The following SCAF11 variants were observed in gnomAD, a reference collection of about 807,000 sequenced individuals.
SCAF11 encodes the protein SR-related CTD associated factor 11.
Under a neutral mutation model 140.5 loss-of-function variants are expected in SCAF11, and 47 were observed. The observed-to-expected ratio is 0.33, with a 90% CI of 0.26 to 0.43. The LOEUF is 0.43. Ranked by LOEUF, SCAF11 falls within the 20% of genes least tolerant of loss-of-function variation. The pLI, the probability that SCAF11 is intolerant of heterozygous loss-of-function variation, is 1.00. For missense variants in SCAF11, 1,645 were observed against 1,705.1 expected, an observed-to-expected ratio of 0.96 and a Z score of 0.62; for synonymous variants, 557 against 579.4, an observed-to-expected ratio of 0.96 and a Z score of 0.55.
In SCAF11 at chr12:45,928,117, C is replaced by G. The variant is rs1944940957; in HGVS notation, c.1584G>C (p.Gln528His). The stretch of plus-strand genomic sequence containing the variant: ...CCTCTGATTGTGAAAGTCCAGATAT[C>G]TGGTCTTGCTTTTCCAATGGATCAC... ...KGGDPLEKQD[Q>H]ISGLSQSEVK... Residue 528 changes from glutamine (Q) to histidine (H), a missense_variant, in exon 11 of 15, where the codon CAG (glutamine) becomes CAC (histidine). Physicochemically the swap from Gln to His is conservative, Grantham distance 24. Coordinates refer to ENST00000369367, the MANE Select transcript of SCAF11 (RefSeq NM_004719.3). The G allele has an allele frequency of 6.2e-7, 1 of 1,613,928 alleles. No individual in the cohort carries two copies. Among genetic ancestry groups the G allele is most frequent in the Admixed American group, 1.7e-5 (1 of 60,010 alleles).
chr12:45,928,820 T>A lies in SCAF11; in HGVS notation c.881A>T (p.Glu294Val), dbSNP rs748742283. The A allele has an allele frequency of 1.2e-6, 2 of 1,612,470 alleles. No individual in the cohort carries two copies. Among genetic ancestry groups the A allele is most frequent in the East Asian group, 4.5e-5 (2 of 44,864 alleles). Residue 294 changes from glutamate to valine, a missense_variant, in exon 11 of 15, where the codon GAA (glutamate) becomes GTA (valine). This residue lies in a region of SCAF11 where 1,582 missense variants were observed against 1,609.2 expected (regional missense o/e 0.98). Transcript: ENST00000369367. ...AGAAGTTTGCTTCTTTTCTTCCCCT[T>A]CTTGAGTATGTGCTAATGCATATCC... is the stretch of plus-strand genomic sequence containing the variant. ...CKGYALAHTQEGEEKKQTSGT... is the reference protein window; with the variant it reads ...CKGYALAHTQVGEEKKQTSGT...
At position 45,924,677 on chromosome 12, in the gene SCAF11, T is replaced by A. The variant is rs966929586; in HGVS notation, c.3906+51A>T. 6.9e-6 allele frequency: 10 copies of A among 1,442,216 alleles called. No homozygotes were observed. In the African/African-American group the frequency reaches 1.1e-4, roughly 16 times the overall value. 89.3% of individuals were successfully genotyped at this position (1,442,216 alleles called of 1,614,324 possible). A position where few individuals can be genotyped will look rare whatever the true frequency, so the allele number is the denominator to read the frequency against. On this transcript the variant is annotated intron_variant, in intron 12 of 14. Coordinates refer to ENST00000369367, the MANE Select transcript of SCAF11 (RefSeq NM_004719.3). Reference sequence around the variant, plus strand: ...TTTTTGAACATCTGTCATGAACAGCTAAATGTTTACAATGGCTATATTGAT... The same window carrying A: ...TTTTTGAACATCTGTCATGAACAGCAAAATGTTTACAATGGCTATATTGAT...
At chr12:45,935,010 T>G (rs1241502960) in intron 6 of SCAF11, 1 of 152,436 alleles carries the variant, frequency 6.6e-6, no homozygotes, top group East Asian at 1.9e-4. Context: ...AGGTATGTTC[T>G]TTCCTTCCAA....
In SCAF11 at chr12:45,983,147, T is replaced by C. The variant is rs116272846; in HGVS notation, c.-22+7206A>G. On this transcript the variant is annotated intron_variant, in intron 1 of 14. Transcript: ENST00000369367. ...TTTCCTTAGGTGGACTTCAAGTCTA[T>C]CTCTCTCCCATTTATTTGTTTTGAA... Among the ~76,000 whole-genome samples the C allele has an allele frequency of 7.2e-3, 1,095 of 152,316 alleles. 10 individuals are homozygous for C. The highest frequency in any genetic ancestry group is 0.025 in the African/African-American group (1,036 of 41,572).
chr12:45,966,121 A>G (rs1945940393), intron 1 of SCAF11, among the ~76,000 whole-genome samples: 1 of 152,240 alleles, frequency 6.6e-6, no homozygotes, highest in African/African-American at 2.4e-5. Flanking sequence ...GACAAACAAC[A>G]TAATGATGAA....
chr12:45,934,689 TTAC>T (rs1326253928), intron 6 of SCAF11, among the ~76,000 whole-genome samples, 184 bp from the exon 7 acceptor site: 2 of 152,222 alleles, frequency 1.3e-5, no homozygotes, highest in African/African-American at 4.8e-5. Flanking sequence ...TGTTAAGCTA[TTAC>T]TACAAGTAAA....
At chr12:45,986,978 T>C (rs1946472743) in intron 1 of SCAF11, among the ~76,000 whole-genome samples, 1 of 152,212 alleles carries the variant, frequency 6.6e-6, no homozygotes, top group African/African-American at 2.4e-5. Flanking sequence ...AATGCACTGC[T>C]CTACTCTTAG....
At chr12:45,953,616 T>G (rs1394202888) in intron 3 of SCAF11, among the ~76,000 whole-genome samples, 1 of 152,168 alleles carries the variant, frequency 6.6e-6, no homozygotes, top group Non-Finnish European at 1.5e-5. Context: ...CTTCAAAATG[T>G]TTTTTATTCC....
At position 45,931,595 on chromosome 12, in the gene SCAF11, C is replaced by T; in HGVS notation, c.752G>A (p.Trp251Ter). Residue 251 changes from tryptophan to a stop codon, truncating the protein, a stop_gained, in exon 10 of 15, where the codon TGG becomes TAG. Coordinates refer to ENST00000369367, the MANE Select transcript of SCAF11 (RefSeq NM_004719.3). LOFTEE classifies it high-confidence loss of function. Reference protein sequence around the residue: ...PGIGRIGFIPWNVETEVLPLI... With the variant: ...PGIGRIGFIP ...AGGAAGGACTTCTGTTTCAACATTC[C>T]AGGGTATAAAACCAATTCTGAAAAC... 1 of 1,528,374 alleles carries T rather than the reference C, an allele frequency of 6.5e-7. No individual in the cohort carries two copies. 94.7% of individuals were successfully genotyped at this position (1,528,374 alleles called of 1,614,324 possible).
chr12:45,930,978 G>A (rs541306211), intron 10 of SCAF11: 35 of 152,170 alleles, frequency 2.3e-4, no homozygotes, highest in Admixed American at 2.3e-3. Context: ...TGTTGTTCAA[G>A]GGTCAACTGT....
Position 45,933,115 on chromosome 12 carries a change from A to C in SCAF11, c.734+16T>G, listed in dbSNP as rs764950229. On this transcript the variant is annotated intron_variant, in intron 9 of 14. Coordinates refer to ENST00000369367, the MANE Select transcript of SCAF11 (RefSeq NM_004719.3). Reference sequence around the variant, plus strand: ...TTAGCATGTAAACACCTGAGTAAATAATTTTTTATTTTTACCTTCCAATTC... The same window carrying C: ...TTAGCATGTAAACACCTGAGTAAATCATTTTTTATTTTTACCTTCCAATTC... 1.9e-6 allele frequency: 3 copies of C among 1,562,960 alleles called. No individual in the cohort carries two copies. Among genetic ancestry groups the C allele is most frequent in the African/African-American group, 2.7e-5 (2 of 73,944 alleles).
At position 45,920,885 on chromosome 12, in the gene SCAF11, C is replaced by T. The variant is rs1201174232; in HGVS notation, c.*1163G>A. The T allele has an allele frequency of 1.3e-5, 2 of 152,224 alleles. No homozygotes were observed. The highest frequency in any genetic ancestry group is 2.4e-5 in the African/African-American group (1 of 41,454). The allele number at this position is 152,224 out of a possible 1,614,324, so 9.4% of individuals were successfully genotyped here. On this transcript the variant is annotated 3_prime_UTR_variant, in exon 15 of 15. Transcript: ENST00000369367. Reference sequence around the variant, plus strand: ...AGCCCCAAGGAAGGGAGGATAACAGCCTAACAGCAATTCTCGAATTGGCAC... The same window carrying T: ...AGCCCCAAGGAAGGGAGGATAACAGTCTAACAGCAATTCTCGAATTGGCAC...
chr12:45,924,110 G>C (rs1944784571), intron 12 of SCAF11, among the ~76,000 whole-genome samples: 1 of 152,130 alleles, frequency 6.6e-6, no homozygotes, highest in Non-Finnish European at 1.5e-5. Flanking sequence ...CAAGGTGCTG[G>C]GATAACAGGC....
intron 1 of SCAF11, among the ~76,000 whole-genome samples, chr12:45,965,102 C>T (rs951610184): frequency 1.2e-4 from 18 of 152,002 alleles, no homozygotes; most frequent in African/African-American, 4.1e-4. Flanking sequence ...ATAGATGGAT[C>T]GCTAATGATT....
chr12:45,953,295 C>A (rs1945593825), intron 3 of SCAF11, among the ~76,000 whole-genome samples: 1 of 152,134 alleles, frequency 6.6e-6, no homozygotes, highest in South Asian at 2.1e-4. Context: ...AACATCATAA[C>A]CATTGCTGTT....
At chr12:45,932,603 T>C (rs1156561516) in intron 9 of SCAF11, among the ~76,000 whole-genome samples, 2 of 152,126 alleles carry the variant, frequency 1.3e-5, no homozygotes, top group Non-Finnish European at 2.9e-5. Context: ...GACCCTAATC[T>C]TTACTTAGGA....
intron 1 of SCAF11, among the ~76,000 whole-genome samples, chr12:45,985,176 A>G (rs1946433890): frequency 6.6e-6 from 1 of 152,108 alleles, no homozygotes; most frequent in African/African-American, 2.4e-5. Context: ...ATTGGTACCA[A>G]TTTCTCCAAT....
At chr12:45,965,693 T>G (rs1945928724) in intron 1 of SCAF11, among the ~76,000 whole-genome samples, 1 of 152,252 alleles carries the variant, frequency 6.6e-6, no homozygotes, top group African/African-American at 2.4e-5. Context: ...CATTTATATC[T>G]ACGCACAAGA....
At chr12:45,974,916 T>C (rs1946198369) in intron 1 of SCAF11, 1 of 152,288 alleles carries the variant, frequency 6.6e-6, no homozygotes, top group Admixed American at 6.5e-5. Context: ...TCTAACAGAA[T>C]AAGACTTAAC....
Sources: allele counts gnomAD v4.1 joint callset (sites outside exome capture counted in the v4.1 genomes callset), GRCh38; gene constraint gnomAD v4.1.1; regional missense constraint gnomAD v4.1.1; transcripts MANE v1.5; gene names NCBI Gene and HGNC (gene_info 2026-07-23, HGNC 2026-07-21).